Variants in HMGCLL1 observed in about 807,000 individuals in gnomAD.
The protein encoded by HMGCLL1 is 3-hydroxymethyl-3-methylglutaryl-CoA lyase, cytoplasmic.
In HMGCLL1, 36 loss-of-function variants were observed where a neutral mutation model predicts 39.1. That is an observed-to-expected ratio of 0.92 (90% CI 0.71 to 1.22). HMGCLL1 has a LOEUF of 1.22. Ranked by LOEUF, HMGCLL1 falls within the 50% of genes most tolerant of loss-of-function variation. HMGCLL1 has a pLI of 0.00. For missense variants in HMGCLL1, 451 were observed against 416.5 expected, an observed-to-expected ratio of 1.08 and a Z score of -0.72; for synonymous variants, 149 against 144.0, an observed-to-expected ratio of 1.03 and a Z score of -0.25.
chr6:55,488,387 T>A (rs1050696534), intron 7 of HMGCLL1, among the ~76,000 whole-genome samples: 2 of 152,070 alleles, frequency 1.3e-5, no homozygotes, highest in Non-Finnish European at 2.9e-5. Context: ...TTTGACATGA[T>A]TTTCACATTT....
intron 3 of HMGCLL1, among the ~76,000 whole-genome samples, chr6:55,532,118 T>C (rs2127449066): frequency 6.6e-6 from 1 of 152,280 alleles, no homozygotes; most frequent in Non-Finnish European, 1.5e-5. Context: ...TTTAATATTA[T>C]GTTTTGGTTA....
At chr6:55,606,188 CAG>C in the HMGCLL1 span, among the ~76,000 whole-genome samples, 1 of 152,076 alleles carries the variant, frequency 6.6e-6, no homozygotes, top group Non-Finnish European at 1.5e-5. Context: ...GAGCTACAGA[CAG>C]AAGTTCACCT....
At chr6:55,643,699 A>G in the HMGCLL1 span, among the ~76,000 whole-genome samples, 3 of 151,994 alleles carry the variant, frequency 2.0e-5, no homozygotes, top group Non-Finnish European at 4.4e-5. Flanking sequence ...AATAAGTGAG[A>G]ACATGCAATG....
the HMGCLL1 span, among the ~76,000 whole-genome samples, chr6:55,587,148 T>C: frequency 2.6e-5 from 4 of 152,188 alleles, no homozygotes; most frequent in African/African-American, 4.8e-5. Flanking sequence ...TGGCCAGTCA[T>C]GATGAGCATT....
intron 3 of HMGCLL1, 124 bp from the exon 4 acceptor site, chr6:55,516,727 A>G (rs1241312486): frequency 5.8e-6 from 3 of 521,260 alleles, no homozygotes; most frequent in Non-Finnish European, 1.0e-5. Context: ...TCTGAAATAA[A>G]AAAAAATGCC....
chr6:55,485,467 AATAAATATAAATGTAAAGTAC>A (rs1765975493), intron 7 of HMGCLL1, among the ~76,000 whole-genome samples: 1 of 151,002 alleles, frequency 6.6e-6, no homozygotes, highest in Non-Finnish European at 1.5e-5. Context: ...TTCATAAATT[AATAAATATAAATGTAAAGTAC>A]ATATGCATTA....
the HMGCLL1 span, among the ~76,000 whole-genome samples, chr6:55,624,510 T>C: frequency 6.6e-6 from 1 of 152,156 alleles, no homozygotes; most frequent in Non-Finnish European, 1.5e-5. Context: ...GTATATCATC[T>C]CTTTGGCTTT....
intron 4 of HMGCLL1, among the ~76,000 whole-genome samples, chr6:55,515,446 A>C (rs1044321667): frequency 6.6e-6 from 1 of 152,146 alleles, no homozygotes; most frequent in Admixed American, 6.6e-5. Context: ...GCTTTTTGTC[A>C]TCTACAAACA....
chr6:55,653,840 G>A, the HMGCLL1 span, among the ~76,000 whole-genome samples: 1 of 151,844 alleles, frequency 6.6e-6, no homozygotes, highest in Non-Finnish European at 1.5e-5. Context: ...TTACAAATGA[G>A]GCACAGTCCA....
chr6:55,603,692 T>C, the HMGCLL1 span, among the ~76,000 whole-genome samples: 1 of 152,148 alleles, frequency 6.6e-6, no homozygotes, highest in Non-Finnish European at 1.5e-5. Context: ...TTTAGTCTTT[T>C]CTTACATCTC....
At chr6:55,566,520 A>T in intron 1 of HMGCLL1, 1 of 438,454 alleles carries the variant, frequency 2.3e-6, no homozygotes, top group Admixed American at 2.5e-5. Flanking sequence ...TGGAAAAAAG[A>T]GCCCGAACAC....
intron 7 of HMGCLL1, among the ~76,000 whole-genome samples, chr6:55,472,535 G>A (rs9382496): frequency 0.56 from 84,714 of 151,120 alleles, 25,286 homozygotes; most frequent in African/African-American, 0.78. Context: ...CCTTTGTCAT[G>A]TATATTAATT....
intron 7 of HMGCLL1, among the ~76,000 whole-genome samples, chr6:55,461,192 T>A (rs1354230362): frequency 6.6e-6 from 1 of 151,988 alleles, no homozygotes; most frequent in Admixed American, 6.6e-5. Context: ...TTTTTAGTAA[T>A]CTAGACCGTC....
chr6:55,590,011 CAAGCT>C, the HMGCLL1 span, among the ~76,000 whole-genome samples: 1 of 127,614 alleles, frequency 7.8e-6, no homozygotes, highest in Non-Finnish European at 1.9e-5. Context: ...CCATCCCCAT[CAAGCT>C]ACCAATGACT....
chr6:55,646,664 G>A, the HMGCLL1 span, among the ~76,000 whole-genome samples: 1 of 151,800 alleles, frequency 6.6e-6, no homozygotes, highest in Non-Finnish European at 1.5e-5. Context: ...TGGTCATTGA[G>A]GATTATATTG....
At chr6:55,460,383 C>A (rs867789464) in intron 7 of HMGCLL1, among the ~76,000 whole-genome samples, 2 of 151,878 alleles carry the variant, frequency 1.3e-5, no homozygotes, top group East Asian at 3.8e-4. Flanking sequence ...CAATTTATTT[C>A]ACATTACTAG....
At chr6:55,473,023 G>T (rs577891573) in intron 7 of HMGCLL1, among the ~76,000 whole-genome samples, 1 of 150,380 alleles carries the variant, frequency 6.6e-6, no homozygotes, top group African/African-American at 2.4e-5. Flanking sequence ...TTTTTCTTTT[G>T]CGAAGTCCAC....
chr6:55,592,161 C>A, the HMGCLL1 span, among the ~76,000 whole-genome samples: 2 of 151,934 alleles, frequency 1.3e-5, no homozygotes, highest in African/African-American at 4.8e-5. Flanking sequence ...AGCAATATTC[C>A]TCAGATTCTC....
intron 7 of HMGCLL1, among the ~76,000 whole-genome samples, chr6:55,447,089 T>G (rs1468806547): frequency 6.6e-6 from 1 of 152,012 alleles, no homozygotes; most frequent in African/African-American, 2.4e-5. Flanking sequence ...TACTATTCAC[T>G]CTACCAAAGG....
Sources: gnomAD v4.1 joint callset for allele counts (sites outside exome capture counted in the v4.1 genomes callset) on GRCh38, gnomAD v4.1.1 for gene constraint, MANE v1.5 for transcripts, NCBI Gene and HGNC (gene_info 2026-07-23, HGNC 2026-07-21) for gene names.